The following ADGRB3 variants were observed in gnomAD, a reference collection of about 807,000 sequenced individuals.
ADGRB3 encodes adhesion G protein-coupled receptor B3.
ADGRB3 carries 37 observed loss-of-function variants against 193.4 expected under a neutral mutation model. That is an observed-to-expected ratio of 0.19 (90% CI 0.15 to 0.25). The LOEUF (loss-of-function observed/expected upper bound fraction) is 0.25. Among genes scored for constraint, ADGRB3 ranks in the 10% least tolerant of loss-of-function variants. The pLI, the probability that ADGRB3 is intolerant of heterozygous loss-of-function variation, is 1.00. For missense variants in ADGRB3, 1,637 were observed against 1,852.9 expected (o/e 0.88, Z 2.14); for synonymous variants, 690 against 644.2 (o/e 1.07, Z -1.08).
chr6:69,351,153 G>A (rs1330932348), intron 26 of ADGRB3, among the ~76,000 whole-genome samples: 2 of 149,908 alleles, frequency 1.3e-5, no homozygotes, highest in Admixed American at 6.7e-5. Flanking sequence ...GAGTACAATG[G>A]CACAATCTCG....
chr6:69,220,810 T>C (rs184274718), intron 17 of ADGRB3, among the ~76,000 whole-genome samples: 18 of 152,212 alleles, frequency 1.2e-4, no homozygotes, highest in Admixed American at 7.9e-4. Context: ...AGATAGAGTA[T>C]ATATTTATTT....
intron 17 of ADGRB3, among the ~76,000 whole-genome samples, chr6:69,222,357 A>G (rs1765913442): frequency 6.6e-6 from 1 of 152,148 alleles, no homozygotes; most frequent in Non-Finnish European, 1.5e-5. Flanking sequence ...CATTATCTTG[A>G]CTTTTATCAA....
chr6:68,846,288 T>C (rs1768272982), intron 3 of ADGRB3, among the ~76,000 whole-genome samples: 1 of 152,114 alleles, frequency 6.6e-6, no homozygotes, highest in South Asian at 2.1e-4. Flanking sequence ...AAAATTTGCA[T>C]CCTATGTGAT....
chr6:69,274,566 G>T, intron 20 of ADGRB3, among the ~76,000 whole-genome samples: 1 of 114,022 alleles, frequency 8.8e-6, no homozygotes, highest in Non-Finnish European at 1.7e-5. Context: ...TTCCTTCCTT[G>T]TGTCCTTCCT....
chr6:69,216,691 C>G (rs1430789761), intron 17 of ADGRB3, among the ~76,000 whole-genome samples: 1 of 152,118 alleles, frequency 6.6e-6, no homozygotes, highest in African/African-American at 2.4e-5. Flanking sequence ...CTAGAGAGCT[C>G]TGGAAAATCT....
intron 3 of ADGRB3, among the ~76,000 whole-genome samples, chr6:68,924,847 A>G (rs1767137528): frequency 6.6e-6 from 1 of 151,958 alleles, no homozygotes; most frequent in African/African-American, 2.4e-5. Flanking sequence ...AATGTTAATG[A>G]TATATTTATC....
rs1765873611 is a variant in ADGRB3 at position 68,885,184 on chromosome 6, TGAAG to T, written c.758-45368_758-45365del. On this transcript the variant is annotated intron_variant, in intron 3 of 31. Transcript: ENST00000370598. The stretch of plus-strand genomic sequence containing the variant: ...TAAAACTGGGAGAATTTGAATGGTC[TGAAG>T]GAAGGATTTGTGATATTTCAAGACT... Among the ~76,000 whole-genome samples, 7 of 152,260 alleles carry T rather than the reference TGAAG, an allele frequency of 4.6e-5. No homozygotes were observed. The South Asian group carries it at 1.4e-3, about 32-fold the overall frequency.
intron 10 of ADGRB3, among the ~76,000 whole-genome samples, chr6:68,991,257 A>T (rs1388647110): frequency 6.6e-6 from 1 of 152,180 alleles, no homozygotes; most frequent in East Asian, 1.9e-4. Context: ...TAACCCATTC[A>T]TTCCTTTAAC....
chr6:68,897,658 G>A (rs1582295194), intron 3 of ADGRB3, among the ~76,000 whole-genome samples: 2 of 129,416 alleles, frequency 1.5e-5, no homozygotes, highest in South Asian at 2.5e-4. Context: ...AGGAAGGAAC[G>A]AAGGAAAGAA....
intron 3 of ADGRB3, among the ~76,000 whole-genome samples, chr6:68,773,469 G>A (rs141023363): frequency 1.8e-4 from 28 of 152,232 alleles, no homozygotes; most frequent in Non-Finnish European, 2.6e-4. Context: ...TTATTAGTGC[G>A]TAGTGAGATA....
At chr6:68,882,438 A>G (rs1765758915) in intron 3 of ADGRB3, among the ~76,000 whole-genome samples, 1 of 152,204 alleles carries the variant, frequency 6.6e-6, no homozygotes, top group Non-Finnish European at 1.5e-5. Context: ...CTGAAGAGCT[A>G]GAGATTTCCC....
At chr6:69,023,194 G>T (rs761382423) in intron 13 of ADGRB3, among the ~76,000 whole-genome samples, 2 of 152,014 alleles carry the variant, frequency 1.3e-5, no homozygotes, top group Non-Finnish European at 2.9e-5. Context: ...AATGACTCAG[G>T]TCATTAAAAT....
In ADGRB3 at chr6:69,326,252, C is replaced by G. The variant is rs371396513; in HGVS notation, c.2965+1230C>G. Among the ~76,000 whole-genome samples the G allele has an allele frequency of 2.8e-4, 42 of 152,242 alleles. No homozygotes were observed. In the South Asian group the frequency reaches 8.7e-3, roughly 32 times the overall value. ...AGTAAGACCCTATCTCACACCAACA[C>G]AAAAGTTGAAGACTTTGTTCTACTT... On this transcript the variant is annotated intron_variant, in intron 21 of 31. Transcript: ENST00000370598.
intron 3 of ADGRB3, among the ~76,000 whole-genome samples, chr6:68,833,322 A>C (rs1767988096): frequency 6.6e-6 from 1 of 151,750 alleles, no homozygotes; most frequent in African/African-American, 2.4e-5. Context: ...AAGATAGAAA[A>C]AATTATGTGA....
intron 30 of ADGRB3, among the ~76,000 whole-genome samples, chr6:69,379,134 CA>C (rs1223630691): frequency 6.6e-6 from 1 of 151,846 alleles, no homozygotes; most frequent in African/African-American, 2.4e-5. Flanking sequence ...ATCTTTATTG[CA>C]AAAGATGCAT....
At chr6:69,252,107 G>A (rs548361875) in intron 20 of ADGRB3, among the ~76,000 whole-genome samples, 39 of 152,104 alleles carry the variant, frequency 2.6e-4, no homozygotes, top group African/African-American at 8.7e-4. Context: ...TCCTGTCATC[G>A]TGAATTCATT....
intron 26 of ADGRB3, among the ~76,000 whole-genome samples, chr6:69,340,080 A>G (rs760759243): frequency 3.3e-5 from 5 of 152,306 alleles, no homozygotes; most frequent in African/African-American, 7.2e-5. Context: ...CTAAAAATGT[A>G]TACAGTGAGA....
intron 20 of ADGRB3, among the ~76,000 whole-genome samples, chr6:69,285,054 G>A (rs997444541): frequency 2.6e-5 from 4 of 152,204 alleles, no homozygotes; most frequent in African/African-American, 9.6e-5. Context: ...GTTATAAGAT[G>A]CTCAAAGAAT....
At chr6:69,012,404 A>T (rs1165001933) in intron 11 of ADGRB3, among the ~76,000 whole-genome samples, 2 of 152,014 alleles carry the variant, frequency 1.3e-5, no homozygotes, top group Non-Finnish European at 2.9e-5. Context: ...CTTTTGCCTC[A>T]TTAGCACCAT....
Sources: allele counts gnomAD v4.1 joint callset (sites outside exome capture counted in the v4.1 genomes callset), GRCh38; gene constraint gnomAD v4.1.1; transcripts MANE v1.5; gene names NCBI Gene and HGNC (gene_info 2026-07-23, HGNC 2026-07-21).